Variants in TRMT9B observed in about 807,000 individuals in gnomAD.
TRMT9B encodes tRNA methyltransferase 9B (putative).
In TRMT9B, 16 loss-of-function variants were observed where a neutral mutation model predicts 11.5. The observed-to-expected ratio is 1.39, with a 90% CI of 0.94 to 2.11. The LOEUF (loss-of-function observed/expected upper bound fraction) is 2.11. Among genes scored for constraint, TRMT9B ranks in the 30% most tolerant of loss-of-function variants. The probability of loss-of-function intolerance (pLI) is 0.00; values close to 1 mark genes in which losing one functional copy is unlikely to be tolerated. For synonymous variants in TRMT9B, 274 were observed against 192.4 expected (o/e 1.42, Z -3.51); for missense variants, 941 against 553.8 (o/e 1.70, Z -7.02).
intron 1 of TRMT9B, among the ~76,000 whole-genome samples, chr8:12,953,224 G>C (rs1800864269): frequency 1.4e-5 from 1 of 69,604 alleles, no homozygotes; most frequent in South Asian, 4.8e-4. Context: ...ATTGTTTTCA[G>C]GTTAAGATTA....
At chr8:12,947,522 G>A (rs1340635647) in intron 1 of TRMT9B, among the ~76,000 whole-genome samples, 1 of 152,232 alleles carries the variant, frequency 6.6e-6, no homozygotes, top group African/African-American at 2.4e-5. Context: ...GAATAAAATA[G>A]ATGGTCAAGG....
Position 13,028,535 on chromosome 8 carries a change from G to A in TRMT9B, c.*6491G>A, listed in dbSNP as rs1814970275. The A allele has an allele frequency of 1.2e-5, 2 of 165,016 alleles. No individual in the cohort carries two copies. Among genetic ancestry groups the A allele is most frequent in the Admixed American group, 6.6e-5 (1 of 15,132 alleles). The allele number at this position is 165,016 out of a possible 1,614,324, so 10.2% of individuals were successfully genotyped here. ...AATTATATTTACATTCCCTTAGCAA[G>A]AATTTGGCTAAGTGATAAGCACTTT... On this transcript the variant is annotated 3_prime_UTR_variant, in exon 5 of 5. Transcript: ENST00000524591.
intron 1 of TRMT9B, among the ~76,000 whole-genome samples, chr8:12,975,490 A>C (rs1804303387): frequency 6.6e-6 from 1 of 152,130 alleles, no homozygotes; most frequent in African/African-American, 2.4e-5. Context: ...TAATCCCAGC[A>C]CTTTGGGAGG....
At chr8:12,966,059 T>C (rs1357989846) in intron 1 of TRMT9B, among the ~76,000 whole-genome samples, 2 of 148,050 alleles carry the variant, frequency 1.4e-5, no homozygotes, top group African/African-American at 2.5e-5. Flanking sequence ...GGCATGGTGA[T>C]GTACACCTAT....
chr8:13,015,093 AT>A (rs1812378306), intron 4 of TRMT9B, among the ~76,000 whole-genome samples: 1 of 151,334 alleles, frequency 6.6e-6, no homozygotes, highest in African/African-American at 2.4e-5. Flanking sequence ...AAATAAATAA[AT>A]AAATAAAATA....
intron 3 of TRMT9B, 143 bp from the exon 4 acceptor site, chr8:13,012,541 C>T: frequency 5.3e-6 from 6 of 1,123,560 alleles, no homozygotes; most frequent in Non-Finnish European, 7.2e-6. Flanking sequence ...CGCCACTGCA[C>T]TCCAGCCTGG....
intron 1 of TRMT9B, among the ~76,000 whole-genome samples, chr8:12,978,247 G>C (rs570500808): frequency 2.0e-5 from 3 of 152,284 alleles, no homozygotes; most frequent in South Asian, 4.1e-4. Context: ...TGGCTGACAG[G>C]AGAATGCAGG....
chr8:13,015,094 T>TAAATA (rs1254216427), intron 4 of TRMT9B, among the ~76,000 whole-genome samples: 5 of 144,946 alleles, frequency 3.4e-5, no homozygotes, highest in Admixed American at 1.4e-4. Flanking sequence ...AATAAATAAA[T>TAAATA]AAATAAAATA....
chr8:12,947,265 T>C (rs556379284), intron 1 of TRMT9B, among the ~76,000 whole-genome samples: 4 of 152,344 alleles, frequency 2.6e-5, no homozygotes, highest in African/African-American at 9.6e-5. Context: ...CACCTCACAA[T>C]TTCTTCCTGC....
chr8:12,967,783 G>A (rs1803025425), intron 1 of TRMT9B, among the ~76,000 whole-genome samples: 1 of 152,172 alleles, frequency 6.6e-6, no homozygotes, highest in Admixed American at 6.5e-5. Context: ...GTGGGACAAA[G>A]CTTAACAAAT....
chr8:13,004,727 C>T (rs1302944912), intron 2 of TRMT9B, among the ~76,000 whole-genome samples: 1 of 152,036 alleles, frequency 6.6e-6, no homozygotes, highest in Non-Finnish European at 1.5e-5. Context: ...CCAGATGCGA[C>T]TTAGCACATT....
chr8:12,983,258 A>G (rs557264848), intron 1 of TRMT9B, among the ~76,000 whole-genome samples: 7 of 152,334 alleles, frequency 4.6e-5, no homozygotes, highest in Middle Eastern at 3.4e-3. Context: ...TAAGGACTAG[A>G]GCAGTGTGCA....
chr8:13,011,295 A>T (rs1811570275), intron 3 of TRMT9B: 1 of 985,000 alleles, frequency 1.0e-6, no homozygotes, highest in African/African-American at 1.8e-5. Flanking sequence ...CCCAAATTTT[A>T]TTTTTTATTC....
chr8:12,958,113 C>T (rs1230111237), intron 1 of TRMT9B, among the ~76,000 whole-genome samples: 1 of 152,136 alleles, frequency 6.6e-6, no homozygotes, highest in Non-Finnish European at 1.5e-5. Context: ...TAATTTATTC[C>T]ATGTAGTATA....
chr8:12,971,362 CGGGCCT>C (rs1286685468), intron 1 of TRMT9B, among the ~76,000 whole-genome samples: 1 of 152,106 alleles, frequency 6.6e-6, no homozygotes, highest in Non-Finnish European at 1.5e-5. Flanking sequence ...CAGGGAACGG[CGGGCCT>C]GGGCCTGTGA....
At chr8:12,989,727 A>G (rs1234111663) in intron 1 of TRMT9B, among the ~76,000 whole-genome samples, 1 of 152,238 alleles carries the variant, frequency 6.6e-6, no homozygotes, top group African/African-American at 2.4e-5. Context: ...TTACCCTGTC[A>G]TAGGGACTCA....
In TRMT9B at chr8:13,022,761, G is replaced by A. The variant is rs1034994831; in HGVS notation, c.*717G>A. 1 of 166,868 alleles carries A rather than the reference G, an allele frequency of 6.0e-6. No homozygotes were observed. Among genetic ancestry groups the A allele is most frequent in the Non-Finnish European group, 1.5e-5 (1 of 68,278 alleles). The allele number at this position is 166,868 out of a possible 1,614,324, so 10.3% of individuals were successfully genotyped here. A position where few individuals can be genotyped will look rare whatever the true frequency, so the allele number is the denominator to read the frequency against. On this transcript the variant is annotated 3_prime_UTR_variant, in exon 5 of 5. Coordinates refer to ENST00000524591, the MANE Select transcript of TRMT9B (RefSeq NM_020844.3). ...AATCCCAGCACTTTGGGAGGCCAAG[G>A]CAGAAGGATCACTTGAACCCAGGAG...
chr8:12,970,133 C>G (rs1803391079), intron 1 of TRMT9B: 1 of 152,148 alleles, frequency 6.6e-6, no homozygotes, highest in South Asian at 2.1e-4. Context: ...ACACCAATAC[C>G]ACCTGGTTTT....
At position 13,021,152 on chromosome 8, in the gene TRMT9B, T is replaced by G; in HGVS notation, c.473T>G (p.Val158Gly). ...CACTTTGAGAAGCAAGACGTGCTTGTTCCATGGAACAGGGCTCTGTGTTCC... is the reference window on the plus strand; with the variant it reads ...CACTTTGAGAAGCAAGACGTGCTTGGTCCATGGAACAGGGCTCTGTGTTCC... ...NRHFEKQDVL[V>G]PWNRALCSQL... The change falls in exon 5 of 5, where the codon GTT (valine) becomes GGT (glycine). Residue 158 changes from valine to glycine, a missense_variant. Transcript: ENST00000524591. 3 of 1,613,916 alleles carry G rather than the reference T, an allele frequency of 1.9e-6. No homozygotes were observed. The highest frequency in any genetic ancestry group is 2.5e-6 in the Non-Finnish European group (3 of 1,179,828).
Sources: allele counts gnomAD v4.1 joint callset (sites outside exome capture counted in the v4.1 genomes callset), GRCh38; gene constraint gnomAD v4.1.1; transcripts MANE v1.5; gene names NCBI Gene and HGNC (gene_info 2026-07-23, HGNC 2026-07-21).